Variants in APOC2 observed in about 807,000 individuals in gnomAD.
APOC2 encodes apolipoprotein C2.
In APOC2, 6 loss-of-function variants were observed where a neutral mutation model predicts 10.2. That is an observed-to-expected ratio of 0.59 (90% CI 0.32 to 1.16). APOC2 has a LOEUF of 1.16. Among genes scored for constraint, APOC2 ranks in the 50% most tolerant of loss-of-function variants. The probability of loss-of-function intolerance (pLI) is 0.05; values close to 1 mark genes in which losing one functional copy is unlikely to be tolerated. For synonymous variants in APOC2, 56 were observed against 48.5 expected, an observed-to-expected ratio of 1.15 and a Z score of -0.64; for missense variants, 110 against 117.6, an observed-to-expected ratio of 0.94 and a Z score of 0.30.
chr19:44,948,518 C>G lies in APOC2; in HGVS notation c.40C>G (p.Leu14Val). ...RLLPALFLVL[L>V]VLGFEVQGTQ... ...CCTCCCAGCTCTGTTTCTTGTCCTC[C>G]TGGTATTGGGATTTGGTGAGTGTGG... Residue 14 changes from leucine to valine, a missense_variant, in exon 2 of 4, where the codon CTG becomes GTG. Transcript: ENST00000252490. The G allele has an allele frequency of 6.2e-7, 1 of 1,614,106 alleles. No individual in the cohort carries two copies. Among genetic ancestry groups the G allele is most frequent in the Non-Finnish European group, 8.5e-7 (1 of 1,180,000 alleles).
At position 44,949,556 on chromosome 19, in the gene APOC2, G is replaced by A. The variant is rs949641990; in HGVS notation, c.*307G>A. The A allele has an allele frequency of 1.4e-5, 5 of 359,562 alleles. No homozygotes were observed. Among genetic ancestry groups the A allele is most frequent in the South Asian group, 6.7e-5 (2 of 29,724 alleles). 22.3% of individuals were successfully genotyped at this position (359,562 alleles called of 1,614,324 possible). ...CAGTGAATAGTAACAATAAATAATC[G>A]TAACAGCAATTAGAGACTAATCTTT... is the stretch of plus-strand genomic sequence containing the variant. On this transcript the variant is annotated 3_prime_UTR_variant, in exon 4 of 4. Coordinates refer to ENST00000252490, the MANE Select transcript of APOC2 (RefSeq NM_000483.5).
chr19:44,948,998 T>A, intron 3 of APOC2, 138 bp downstream of exon 3: 1 of 1,221,348 alleles, frequency 8.2e-7, no homozygotes, highest in Non-Finnish European at 1.1e-6. Context: ...GACCCAGGAG[T>A]CCAGGCCCCC....
At chr19:44,947,957 T>A (rs1357033228) in intron 1 of APOC2, among the ~76,000 whole-genome samples, 1 of 152,206 alleles carries the variant, frequency 6.6e-6, no homozygotes, top group Non-Finnish European at 1.5e-5. Flanking sequence ...TGATTCCAGC[T>A]CCTTGGGAGG....
At chr19:44,946,612 A>C (rs1255694546) in intron 1 of APOC2, among the ~76,000 whole-genome samples, 4 of 152,156 alleles carry the variant, frequency 2.6e-5, no homozygotes. Flanking sequence ...ACTTGAGGTC[A>C]GGAGTTCGAC....
At position 44,948,714 on chromosome 19, in the gene APOC2, C is replaced by A; in HGVS notation, c.69C>A (p.Thr23=). Residue 23 remains threonine (T), a synonymous_variant, in exon 3 of 4, where the codon ACC becomes ACA. Coordinates refer to ENST00000252490, the MANE Select transcript of APOC2 (RefSeq NM_000483.5). The part of the protein sequence containing the change: ...LLVLGFEVQG[T]QQPQQDEMPS... ...CTCCCCCTGCAGAGGTCCAGGGGAC[C>A]CAACAGCCCCAGCAAGATGAGATGC... 6.2e-7 allele frequency: 1 copy of A among 1,614,110 alleles called. No individual in the cohort carries two copies. The highest frequency in any genetic ancestry group is 8.5e-7 in the Non-Finnish European group (1 of 1,180,020).
In APOC2 at chr19:44,948,828, G is replaced by C; in HGVS notation, c.183G>C (p.Lys61Asn). The C allele has an allele frequency of 6.2e-7, 1 of 1,613,830 alleles. No homozygotes were observed. The highest frequency in any genetic ancestry group is 8.5e-7 in the Non-Finnish European group (1 of 1,180,032). ...AKTAAQNLYE[K>N]TYLPAVDEKL... ...CAGCCGCCCAGAACCTGTACGAGAAGACATACCTGCCCGCTGTAGATGAGA... is the reference window on the plus strand; with the variant it reads ...CAGCCGCCCAGAACCTGTACGAGAACACATACCTGCCCGCTGTAGATGAGA... Residue 61 changes from lysine (K) to asparagine (N), a missense_variant, in exon 3 of 4, where the codon AAG becomes AAC. Lys to Asn is a moderately conservative substitution (Grantham distance 94). Transcript: ENST00000252490.
At chr19:44,948,263 G>T in intron 1 of APOC2, 1 of 566,238 alleles carries the variant, frequency 1.8e-6, no homozygotes. Flanking sequence ...TAATTAAAAT[G>T]TTAAAATCAG....
chr19:44,947,840 T>C (rs1599991917), intron 1 of APOC2, among the ~76,000 whole-genome samples: 1 of 151,028 alleles, frequency 6.6e-6, no homozygotes, highest in Non-Finnish European at 1.5e-5. Context: ...GAGGCCAAGG[T>C]GGGCGGATCA....
chr19:44,946,191 CTGTGTGTGTGTGTGTGTGTGTGTG>C (rs71338739), intron 1 of APOC2, 116 bp downstream of exon 1: 16,665 of 134,132 alleles, frequency 0.12, 1,129 homozygotes, highest in South Asian at 0.28. Flanking sequence ...GGAACCATGA[CTGTGTGTGTGTGTGTGTGTGTGTG>C]TGTGTGTGTG....
intron 1 of APOC2, among the ~76,000 whole-genome samples, chr19:44,947,677 T>C (rs1370308329): frequency 6.6e-6 from 1 of 152,100 alleles, no homozygotes; most frequent in East Asian, 1.9e-4. Context: ...CTCATGCCTG[T>C]AATTCCAGCA....
intron 1 of APOC2, 130 bp from the exon 2 acceptor site, chr19:44,948,336 A>G (rs912906109): frequency 1.8e-5 from 14 of 775,982 alleles, no homozygotes; most frequent in Non-Finnish European, 3.2e-5. Flanking sequence ...AAGTCCATGC[A>G]TGGGAAACTT....
rs1439955300 is a variant in APOC2, at chr19:44,946,228, T to A, written c.-14+153T>A. Among the ~76,000 whole-genome samples, 712 of 130,910 alleles carry A rather than the reference T, an allele frequency of 5.4e-3. 6 individuals carry two copies. The highest frequency in any genetic ancestry group is 0.019 in the African/African-American group (662 of 35,318). 85.9% of individuals were successfully genotyped at this position (130,910 alleles called of 152,430 possible). On this transcript the variant is annotated intron_variant, in intron 1 of 3. Transcript: ENST00000252490. ...GTGTGTGTGTGTGTGTGTGTGTGTG[T>A]GTGTGTGAGAGAGAGAGAGAGGGAG... is the stretch of plus-strand genomic sequence containing the variant.
chr19:44,946,279 C>T (rs1317694034), intron 1 of APOC2, among the ~76,000 whole-genome samples: 1 of 150,658 alleles, frequency 6.6e-6, no homozygotes, highest in African/African-American at 2.5e-5. Context: ...GTAGCCCAGG[C>T]TAGACTCAAA....
chr19:44,947,580 G>C (rs911486141), intron 1 of APOC2, among the ~76,000 whole-genome samples: 4 of 152,104 alleles, frequency 2.6e-5, no homozygotes, highest in African/African-American at 9.7e-5. Context: ...AGGATCGCTT[G>C]AGCCCAGGAG....
chr19:44,948,555 G>A, intron 2 of APOC2, 22 bp downstream of exon 2: 21 of 1,612,060 alleles, frequency 1.3e-5, no homozygotes, highest in Non-Finnish European at 1.7e-5. Context: ...CTTCCGGGGA[G>A]GGAAGCCTTG....
At chr19:44,948,954 C>T (rs1599993551) in intron 3 of APOC2, 94 bp downstream of exon 3, 2 of 1,553,398 alleles carry the variant, frequency 1.3e-6, no homozygotes, top group East Asian at 2.3e-5. Flanking sequence ...CTCCCTCAGA[C>T]CCAGGAGTCC....
Position 44,948,598 on chromosome 19 carries a change from C to T in APOC2, c.55+65C>T, listed in dbSNP as rs370691343. 2.7e-5 allele frequency: 44 copies of T among 1,603,850 alleles called. No individual in the cohort carries two copies. In the African/African-American group the frequency reaches 5.4e-4, roughly 20 times the overall value. ...GAATGAGCTCCAAGCATCTTCCCAG[C>T]CCAGGCCCTTCTTACCTCTGCCTCT... On this transcript the variant is annotated intron_variant, in intron 2 of 3. Transcript: ENST00000252490.
rs1183672051 is a variant in APOC2 at position 44,948,683 on chromosome 19, C to A, written c.56-18C>A. On this transcript the variant is annotated intron_variant, in intron 2 of 3. Transcript: ENST00000252490. ...GCTGCAGCCCCACGGGCTCTCCTGACACACTCTCCCCCTGCAGAGGTCCAG... is the reference window on the plus strand; with the variant it reads ...GCTGCAGCCCCACGGGCTCTCCTGAAACACTCTCCCCCTGCAGAGGTCCAG... The A allele has an allele frequency of 1.2e-6, 2 of 1,614,022 alleles. No homozygotes were observed. Among genetic ancestry groups the A allele is most frequent in the Non-Finnish European group, 1.7e-6 (2 of 1,179,974 alleles).
intron 1 of APOC2, 130 bp from the exon 2 acceptor site, chr19:44,948,336 A>C: frequency 2.6e-6 from 2 of 775,984 alleles, no homozygotes; most frequent in South Asian, 2.8e-5. Flanking sequence ...AAGTCCATGC[A>C]TGGGAAACTT....
Sources: allele counts gnomAD v4.1 joint callset (sites outside exome capture counted in the v4.1 genomes callset), GRCh38; gene constraint gnomAD v4.1.1; transcripts MANE v1.5; gene names NCBI Gene and HGNC (gene_info 2026-07-23, HGNC 2026-07-21).